The following DCLRE1C variants were observed in gnomAD, a reference collection of about 807,000 sequenced individuals.
DCLRE1C encodes DNA cross-link repair 1C, also known as protein artemis.
A neutral mutation model predicts 61.4 loss-of-function variants in DCLRE1C; 47 were observed. The observed-to-expected ratio is 0.77, with a 90% CI of 0.61 to 0.98. DCLRE1C has a LOEUF of 0.98. Among genes scored for constraint, DCLRE1C ranks in the 50% least tolerant of loss-of-function variants. The pLI, the probability that DCLRE1C is intolerant of heterozygous loss-of-function variation, is 0.00. For synonymous variants in DCLRE1C, 337 were observed against 287.6 expected (o/e 1.17, Z -1.74); for missense variants, 858 against 816.0 (o/e 1.05, Z -0.63).
At chr10:14,902,413 A>G (rs1024906947), downstream of DCLRE1C, 1 of 1,605,026 alleles carries the variant, frequency 6.2e-7, no homozygotes, top group Non-Finnish European at 8.5e-7. Context: ...CAGGTTCTGG[A>G]GATATATCTT....
chr10:14,926,529 C>T (rs999271054), intron 11 of DCLRE1C, among the ~76,000 whole-genome samples: 1 of 151,918 alleles, frequency 6.6e-6, no homozygotes, highest in South Asian at 2.1e-4. Flanking sequence ...TGGTGGGCAC[C>T]TGTAGTCCCA....
At chr10:14,920,461 G>A in intron 12 of DCLRE1C, 1 of 994,614 alleles carries the variant, frequency 1.0e-6, no homozygotes, top group African/African-American at 1.7e-5. Context: ...CATACCATTT[G>A]AACAGGGCCA....
At chr10:14,951,656 T>G (rs11259407) in intron 1 of DCLRE1C, among the ~76,000 whole-genome samples, 14,820 of 152,022 alleles carry the variant, frequency 0.097, 1,493 homozygotes, top group East Asian at 0.28. Flanking sequence ...AGGGCACTTT[T>G]CCTAACTTAC....
intron 13 of DCLRE1C, among the ~76,000 whole-genome samples, chr10:14,919,062 T>C (rs546340066): frequency 6.6e-6 from 1 of 152,268 alleles, no homozygotes; most frequent in African/African-American, 2.4e-5. Context: ...GTTCAAAAAA[T>C]AGTATCATCA....
intron 3 of DCLRE1C, 149 bp from the exon 4 acceptor site, chr10:14,940,018 G>C (rs901303351): frequency 1.7e-4 from 107 of 626,650 alleles, no homozygotes; most frequent in Non-Finnish European, 2.2e-5. Context: ...TATTTTAACA[G>C]TTAGAAAAAA....
At chr10:14,953,097 C>T (rs1319285779) in intron 1 of DCLRE1C, among the ~76,000 whole-genome samples, 2 of 152,172 alleles carry the variant, frequency 1.3e-5, no homozygotes, top group African/African-American at 2.4e-5. Flanking sequence ...CCAGTGATTC[C>T]GTTTATCATT....
At position 14,907,757 on chromosome 10, in the gene DCLRE1C, A is replaced by T. The variant is rs1369978259; in HGVS notation, c.*651T>A. On this transcript the variant is annotated 3_prime_UTR_variant, in exon 14 of 14. Transcript: ENST00000378278. Reference sequence around the variant, plus strand: ...TTTATAGACAGCAGATCACTGGGTTATGTTGGTTTTTTCCGTGTCTCTTGT... The same window carrying T: ...TTTATAGACAGCAGATCACTGGGTTTTGTTGGTTTTTTCCGTGTCTCTTGT... The T allele has an allele frequency of 4.7e-5, 7 of 149,382 alleles. No individual in the cohort carries two copies. Among genetic ancestry groups the T allele is most frequent in the African/African-American group, 1.7e-4 (7 of 40,312 alleles). 9.3% of individuals were successfully genotyped at this position (149,382 alleles called of 1,614,324 possible).
chr10:14,904,542 C>T (rs1169433305), downstream of DCLRE1C, among the ~76,000 whole-genome samples: 2 of 151,664 alleles, frequency 1.3e-5, no homozygotes, highest in Admixed American at 1.3e-4. Context: ...TTGATCTTGT[C>T]CACTTTTTTG....
chr10:14,899,448 A>T, intron 13 of DCLRE1C: 2 of 1,361,836 alleles, frequency 1.5e-6, no homozygotes, highest in East Asian at 4.6e-5. Flanking sequence ...CTTTTTAAAT[A>T]TTTGTAGGTA....
At chr10:14,953,282 G>A (rs1842727727) in intron 1 of DCLRE1C, among the ~76,000 whole-genome samples, 1 of 152,176 alleles carries the variant, frequency 6.6e-6, no homozygotes, top group Non-Finnish European at 1.5e-5. Context: ...GAGCATCAGC[G>A]ACACTCTAAC....
Position 14,908,063 on chromosome 10 carries a change from A to G in DCLRE1C, c.*345T>C, listed in dbSNP as rs1436762900. 6 of 227,794 alleles carry G rather than the reference A, an allele frequency of 2.6e-5. No homozygotes were observed. The highest frequency in any genetic ancestry group is 4.8e-5 in the African/African-American group (2 of 41,974). The allele number at this position is 227,794 out of a possible 1,614,324, so 14.1% of individuals were successfully genotyped here. ...TAAACAGGGTCTTGCTCTGTCACCC[A>G]GACTAGAGGTGCAGTGGCACAGTCA... On this transcript the variant is annotated 3_prime_UTR_variant, in exon 14 of 14. Coordinates refer to ENST00000378278, the MANE Select transcript of DCLRE1C (RefSeq NM_001033855.3).
chr10:14,915,231 TTAAAAA>T (rs1248005627), intron 13 of DCLRE1C, among the ~76,000 whole-genome samples: 31 of 151,520 alleles, frequency 2.0e-4, no homozygotes, highest in East Asian at 3.9e-4. Context: ...ATTAAGAAAC[TTAAAAA>T]TGAAAAGCAA....
intron 9 of DCLRE1C, among the ~76,000 whole-genome samples, chr10:14,931,448 C>A (rs780657700): frequency 2.0e-5 from 3 of 152,098 alleles, no homozygotes; most frequent in Non-Finnish European, 4.4e-5. Context: ...ATCTCAGCTA[C>A]TCGGGAGGCT....
rs1453862619 is a variant in DCLRE1C at position 14,905,629 on chromosome 10, T to C, written c.*2779A>G. Among the ~76,000 whole-genome samples the C allele has an allele frequency of 6.6e-6, 1 of 152,244 alleles. No homozygotes were observed. Among genetic ancestry groups the C allele is most frequent in the African/African-American group, 2.4e-5 (1 of 41,462 alleles). ...TTCAAACATTTAAGTCCTGGAACTC[T>C]TCTCCAAGATAAATGTGGCTGACTG... On this transcript the variant is annotated 3_prime_UTR_variant, in exon 14 of 14. Transcript: ENST00000378278.
Position 14,934,426 on chromosome 10 carries a change from C to A in DCLRE1C, c.632G>T (p.Gly211Val). ...AAGGTTGGTGAACAGATATTCATAG[C>A]CATAAGCCGCTTTGCAGTTCAGCCA... ...VVWLNCKAAY[G>V]YEYLFTNLSE... The change falls in exon 8 of 14, where the codon GGC (glycine) becomes GTC (valine). Residue 211 changes from glycine (G) to valine (V), a missense_variant. By Grantham distance (109) the Gly-to-Val change is moderately radical. Transcript: ENST00000378278. The A allele has an allele frequency of 6.2e-7, 1 of 1,614,124 alleles. No individual in the cohort carries two copies. The highest frequency in any genetic ancestry group is 8.5e-7 in the Non-Finnish European group (1 of 1,180,020).
chr10:14,931,191 A>G (rs1838921596), intron 9 of DCLRE1C, among the ~76,000 whole-genome samples: 1 of 152,216 alleles, frequency 6.6e-6, no homozygotes, highest in Non-Finnish European at 1.5e-5. Context: ...TTGAAACAAT[A>G]TTTTTTAAAG....
chr10:14,919,686 A>T, intron 13 of DCLRE1C, 52 bp downstream of exon 13: 1 of 1,397,338 alleles, frequency 7.2e-7, no homozygotes, highest in Non-Finnish European at 1.0e-6. Flanking sequence ...CTCCCTGGAA[A>T]GCAGTGTTTG....
Position 14,904,866 on chromosome 10 carries a change from T to C in DCLRE1C, c.*3542A>G, listed in dbSNP as rs900700135. On this transcript the variant is annotated 3_prime_UTR_variant, in exon 14 of 14. Coordinates refer to ENST00000378278, the MANE Select transcript of DCLRE1C (RefSeq NM_001033855.3). ...GATCCAGTTTAAAAGGTGAATCCACTGTATGTATTATATTGATACCATCAT... is the reference window on the plus strand; with the variant it reads ...GATCCAGTTTAAAAGGTGAATCCACCGTATGTATTATATTGATACCATCAT... Among the ~76,000 whole-genome samples, 9 of 152,238 alleles carry C rather than the reference T, an allele frequency of 5.9e-5. No homozygotes were observed. Among genetic ancestry groups the C allele is most frequent in the Admixed American group, 5.9e-4 (9 of 15,282 alleles).
chr10:14,950,265 C>T (rs571804936), intron 1 of DCLRE1C, among the ~76,000 whole-genome samples: 2 of 150,422 alleles, frequency 1.3e-5, no homozygotes, highest in Non-Finnish European at 3.0e-5. Flanking sequence ...GCTTGAACCC[C>T]GAAGGCAGAG....
Sources: gnomAD v4.1 joint callset for allele counts (sites outside exome capture counted in the v4.1 genomes callset) on GRCh38, gnomAD v4.1.1 for gene constraint, MANE v1.5 for transcripts, NCBI Gene and HGNC (gene_info 2026-07-23, HGNC 2026-07-21) for gene names.